NPAT: variants seen among roughly 807,000 people sequenced by gnomAD.
NPAT encodes protein NPAT.
Under a neutral mutation model 130.7 loss-of-function variants are expected in NPAT, and 52 were observed. The observed-to-expected ratio is 0.40, with a 90% confidence interval of 0.32 to 0.50. The LOEUF (loss-of-function observed/expected upper bound fraction) is 0.50, where lower values mean the gene tolerates loss of function less well. Ranked by LOEUF, NPAT falls within the 20% of genes least tolerant of loss-of-function variation. The probability of loss-of-function intolerance (pLI) is 0.68; values close to 1 mark genes in which losing one functional copy is unlikely to be tolerated. For missense variants in NPAT, 1,687 were observed against 1,662.6 expected (o/e 1.01, Z -0.26); for synonymous variants, 580 against 584.8 (o/e 0.99, Z 0.12).
intron 4 of NPAT, among the ~76,000 whole-genome samples, chr11:108,191,539 G>C (rs1484313457): frequency 1.3e-5 from 2 of 152,166 alleles, no homozygotes; most frequent in Non-Finnish European, 2.9e-5. Context: ...AAAGCATTTG[G>C]AGCCATTTTA....
At chr11:108,163,889 G>C (rs1473399853) in intron 15 of NPAT, among the ~76,000 whole-genome samples, 1 of 152,166 alleles carries the variant, frequency 6.6e-6, no homozygotes, top group Non-Finnish European at 1.5e-5. Flanking sequence ...GATTAAGAGA[G>C]GTTAAGAGAT....
At position 108,185,518 on chromosome 11, in the gene NPAT, CA is replaced by C. The variant is rs772975533; in HGVS notation, c.727-25del. 2.8e-6 allele frequency: 4 copies of C among 1,408,066 alleles called. No individual in the cohort carries two copies. The Admixed American group carries it at 6.8e-5, about 24-fold the overall frequency. 87.2% of individuals were successfully genotyped at this position (1,408,066 alleles called of 1,614,324 possible). ...TGCTGGAAAAGAAAGCCACTGTTAG[CA>C]AAAGGACAATAAAGAGTATTCTGCT... On this transcript the variant is annotated intron_variant, in intron 8 of 17. Transcript: ENST00000278612.
intron 11 of NPAT, among the ~76,000 whole-genome samples, 173 bp from the exon 12 acceptor site, chr11:108,176,547 C>A (rs1222283376): frequency 2.0e-5 from 3 of 152,182 alleles, no homozygotes; most frequent in African/African-American, 7.2e-5. Context: ...TCCCACTAGA[C>A]AGGTGTTTCT....
intron 3 of NPAT, among the ~76,000 whole-genome samples, chr11:108,192,705 C>T (rs930682085): frequency 1.3e-5 from 2 of 152,186 alleles, no homozygotes; most frequent in Non-Finnish European, 2.9e-5. Context: ...CCTGTAATCC[C>T]AGCACTTTGG....
intron 10 of NPAT, among the ~76,000 whole-genome samples, chr11:108,183,029 G>C (rs947123025): frequency 2.6e-5 from 4 of 152,168 alleles, no homozygotes; most frequent in Non-Finnish European, 5.9e-5. Flanking sequence ...TGTCCAGGCT[G>C]GAGTATAGTG....
chr11:108,171,876 C>G (rs2077954800), intron 13 of NPAT: 1 of 244,096 alleles, frequency 4.1e-6, no homozygotes, highest in South Asian at 7.3e-5. Flanking sequence ...TTTAAAAACT[C>G]CCCCACAACA....
At chr11:108,169,661 T>C (rs1428956296) in intron 15 of NPAT, 83 bp downstream of exon 15, 1 of 1,002,742 alleles carries the variant, frequency 1.0e-6, no homozygotes, top group South Asian at 1.3e-5. Context: ...GTTTAGGTAT[T>C]CAGAAAGAAA....
intron 1 of NPAT, among the ~76,000 whole-genome samples, chr11:108,215,567 A>G (rs1016929566): frequency 6.6e-6 from 1 of 152,356 alleles, no homozygotes; most frequent in African/African-American, 2.4e-5. Context: ...TTCCAACTTT[A>G]TAACGTTCTA....
Position 108,161,393 on chromosome 11 carries a change from T to A in NPAT, c.3693A>T (p.Lys1231Asn), listed in dbSNP as rs770980606. ...AACTGGCGGATTTAGTTTGTTCTTG[T>A]TTTAGATCCTTCACAGCTGTACCTA... ...LSVGTAVKDL[K>N]QEQTKSASSL... Residue 1231 changes from lysine (K) to asparagine (N), a missense_variant, in exon 17 of 18, where the codon AAA (lysine) becomes AAT (asparagine). Lys to Asn is a moderately conservative substitution (Grantham distance 94, BLOSUM62 0). This residue lies in a region of NPAT where 1,379 missense variants were observed against 1,346.6 expected (regional missense o/e 1.02). Coordinates refer to ENST00000278612, the MANE Select transcript of NPAT (RefSeq NM_002519.3). 13 of 1,614,094 alleles carry A rather than the reference T, an allele frequency of 8.1e-6. No homozygotes were observed. Among genetic ancestry groups the A allele is most frequent in the Middle Eastern group, 1.6e-4 (1 of 6,084 alleles).
At chr11:108,211,208 C>A (rs1395276142) in intron 1 of NPAT, among the ~76,000 whole-genome samples, 1 of 151,118 alleles carries the variant, frequency 6.6e-6, no homozygotes, top group Non-Finnish European at 1.5e-5. Context: ...GAGTGAGACA[C>A]CGTCTAAAAA....
intron 2 of NPAT, among the ~76,000 whole-genome samples, chr11:108,194,702 G>A (rs1163419799): frequency 1.3e-5 from 2 of 152,178 alleles, no homozygotes; most frequent in Non-Finnish European, 2.9e-5. Flanking sequence ...ACAGGCTGGA[G>A]TACAGTGGCT....
intron 2 of NPAT, among the ~76,000 whole-genome samples, chr11:108,196,470 T>C (rs1464933492): frequency 6.6e-6 from 1 of 151,292 alleles, no homozygotes; most frequent in Non-Finnish European, 1.5e-5. Context: ...GTGTTATCTA[T>C]AAAAATGCTT....
chr11:108,200,135 C>G (rs1183955092), intron 1 of NPAT, among the ~76,000 whole-genome samples: 2 of 152,178 alleles, frequency 1.3e-5, no homozygotes, highest in East Asian at 3.8e-4. Context: ...AGGCAACTTC[C>G]CCTACCTGCG....
At chr11:108,187,967 GA>G (rs1327952709) in intron 7 of NPAT, 130 bp downstream of exon 7, 3 of 706,548 alleles carry the variant, frequency 4.2e-6, no homozygotes, top group Non-Finnish European at 5.0e-6. Context: ...ATGTATTTTG[GA>G]ATAGTTCTAA....
At chr11:108,170,881 C>A (rs929919617) in intron 13 of NPAT, among the ~76,000 whole-genome samples, 4 of 152,106 alleles carry the variant, frequency 2.6e-5, no homozygotes, top group African/African-American at 9.7e-5. Flanking sequence ...GTAAAACAGA[C>A]CCATTAGGTT....
intron 10 of NPAT, among the ~76,000 whole-genome samples, chr11:108,179,919 T>C (rs2078043948): frequency 1.3e-5 from 2 of 152,346 alleles, no homozygotes; most frequent in Admixed American, 1.3e-4. Context: ...CAAATAGGAC[T>C]ACATCCAATG....
At chr11:108,202,946 A>G (rs779781783) in intron 1 of NPAT, among the ~76,000 whole-genome samples, 1 of 152,172 alleles carries the variant, frequency 6.6e-6, no homozygotes, top group Non-Finnish European at 1.5e-5. Context: ...AATGGGCCTT[A>G]CTTCAAGGAG....
intron 1 of NPAT, among the ~76,000 whole-genome samples, chr11:108,221,705 T>A (rs1024598510): frequency 6.6e-6 from 1 of 152,098 alleles, no homozygotes; most frequent in Non-Finnish European, 1.5e-5. Context: ...CTGGCTCGGG[T>A]TTTGAGCTTT....
intron 5 of NPAT, among the ~76,000 whole-genome samples, chr11:108,189,881 A>T (rs922761097): frequency 6.6e-6 from 1 of 151,544 alleles, no homozygotes; most frequent in South Asian, 2.1e-4. Flanking sequence ...AAAAAAAAAA[A>T]AAACAAAAAA....
Sources: gnomAD v4.1 joint callset for allele counts (sites outside exome capture counted in the v4.1 genomes callset) on GRCh38, gnomAD v4.1.1 for gene constraint, gnomAD v4.1.1 regional missense constraint, MANE v1.5 for transcripts, NCBI Gene and HGNC (gene_info 2026-07-23, HGNC 2026-07-21) for gene names.